Variants in COL9A1 observed in about 807,000 individuals in gnomAD.
The protein encoded by COL9A1 is collagen alpha-1(IX) chain.
A neutral mutation model predicts 142.6 loss-of-function variants in COL9A1; 104 were observed. The observed-to-expected ratio is 0.73, with a 90% confidence interval of 0.62 to 0.86. COL9A1 has a LOEUF of 0.86. Ranked by LOEUF, COL9A1 falls within the 40% of genes least tolerant of loss-of-function variation. COL9A1 has a pLI of 0.00. For missense variants in COL9A1, 1,210 were observed against 1,176.6 expected (o/e 1.03, Z -0.42); for synonymous variants, 466 against 396.0 (o/e 1.18, Z -2.10).
intron 12 of COL9A1, chr6:70,273,835 T>C (rs1420386293): frequency 4.2e-6 from 1 of 238,244 alleles, no homozygotes; most frequent in African/African-American, 2.3e-5. Flanking sequence ...TTCTCTAAAA[T>C]TTTTCCACTC....
chr6:70,283,391 C>T (rs1304380824), intron 6 of COL9A1: 3 of 749,354 alleles, frequency 4.0e-6, no homozygotes, highest in Non-Finnish European at 6.3e-6. Context: ...TCTGGCTGTC[C>T]TCGGAGACTT....
chr6:70,281,785 T>C (rs1265654938), intron 7 of COL9A1, among the ~76,000 whole-genome samples: 1 of 152,076 alleles, frequency 6.6e-6, no homozygotes, highest in Admixed American at 6.5e-5. Flanking sequence ...CGCCTTTGTA[T>C]CCTCAAAAGG....
rs775376605 is a variant in COL9A1 at position 70,252,138 on chromosome 6, T to G, written c.1854A>C (p.Arg618=). 6.2e-7 allele frequency: 1 copy of G among 1,614,068 alleles called. No homozygotes were observed. Among genetic ancestry groups the G allele is most frequent in the South Asian group, 1.1e-5 (1 of 91,076 alleles). The change falls in exon 28 of 38, where the codon CGA becomes CGC. Residue 618 remains arginine (R), a synonymous_variant. Transcript: ENST00000357250. ...TACTCACAGGAAGCCCCTGGGGTCC[T>G]CGGGGTCCCACCTCTCCTGGAGGCC... The part of the protein sequence containing the change: ...QQGPPGEVGP[R]GPQGLPGSRG...
chr6:70,255,256 T>C (rs1771205747), intron 22 of COL9A1, 53 bp from the exon 23 acceptor site: 1 of 1,610,598 alleles, frequency 6.2e-7, no homozygotes. Context: ...AACATAATAC[T>C]TAGACTTGTC....
intron 20 of COL9A1, among the ~76,000 whole-genome samples, chr6:70,259,154 C>CA (rs778738971): frequency 4.5e-4 from 69 of 151,962 alleles, no homozygotes; most frequent in Non-Finnish European, 4.4e-4. Context: ...ATTAAATTGA[C>CA]AAAAAAATGA....
Position 70,296,132 on chromosome 6 carries a change from G to A in COL9A1, c.300-1569C>T, listed in dbSNP as rs1012758200. Among the ~76,000 whole-genome samples the A allele has an allele frequency of 3.3e-5, 5 of 151,982 alleles. No homozygotes were observed. The South Asian group carries it at 1.0e-3, about 32-fold the overall frequency. On this transcript the variant is annotated intron_variant, in intron 4 of 37. Transcript: ENST00000357250. ...TTCTTTTATACAAATATTTTTACAAGCCCTCAATAAAATAAGTCAACTATC... is the reference window on the plus strand; with the variant it reads ...TTCTTTTATACAAATATTTTTACAAACCCTCAATAAAATAAGTCAACTATC...
chr6:70,216,859 G>T lies in COL9A1; in HGVS notation c.*38C>A, dbSNP rs759522163. ...TTTCTCACCCAGGCTCCTTCACCAG[G>T]CGTGGTTCATGCAGACAGCCATGCA... is the stretch of plus-strand genomic sequence containing the variant. On this transcript the variant is annotated 3_prime_UTR_variant, in exon 38 of 38. Coordinates refer to ENST00000357250, the MANE Select transcript of COL9A1 (RefSeq NM_001851.6). 3.0e-5 allele frequency: 48 copies of T among 1,609,748 alleles called. No individual in the cohort carries two copies. The highest frequency in any genetic ancestry group is 3.3e-5 in the Admixed American group (2 of 59,968).
At chr6:70,293,547 G>A (rs896691365) in intron 5 of COL9A1, among the ~76,000 whole-genome samples, 1 of 150,646 alleles carries the variant, frequency 6.6e-6, no homozygotes. Context: ...TTTCATTCTT[G>A]TTGACCAGAC....
At chr6:70,232,319 G>A (rs951264302) in intron 36 of COL9A1, among the ~76,000 whole-genome samples, 1 of 152,122 alleles carries the variant, frequency 6.6e-6, no homozygotes, top group Non-Finnish European at 1.5e-5. Flanking sequence ...CCATGATTGA[G>A]GTAGAGTATA....
chr6:70,287,709 C>G (rs1175168026), intron 5 of COL9A1, among the ~76,000 whole-genome samples: 1 of 152,186 alleles, frequency 6.6e-6, no homozygotes, highest in Non-Finnish European at 1.5e-5. Flanking sequence ...CTCAAGATCA[C>G]TCTCTTTGAT....
intron 36 of COL9A1, among the ~76,000 whole-genome samples, chr6:70,228,286 G>A (rs1769355904): frequency 6.6e-6 from 1 of 152,024 alleles, no homozygotes; most frequent in Non-Finnish European, 1.5e-5. Context: ...ACAGAACAAA[G>A]TTGCATTAAT....
chr6:70,220,034 G>A (rs1768769784), intron 37 of COL9A1, among the ~76,000 whole-genome samples: 1 of 152,048 alleles, frequency 6.6e-6, no homozygotes, highest in South Asian at 2.1e-4. Context: ...AGGAAGAGTC[G>A]ATGAAGCCAT....
intron 36 of COL9A1, among the ~76,000 whole-genome samples, chr6:70,229,929 CA>C (rs1044220771): frequency 6.6e-6 from 1 of 152,104 alleles, no homozygotes; most frequent in Admixed American, 6.5e-5. Context: ...AGGAGAAAAA[CA>C]GTGACTAAGA....
chr6:70,282,800 G>A, intron 7 of COL9A1, 98 bp downstream of exon 7: 2 of 1,572,928 alleles, frequency 1.3e-6, no homozygotes, highest in Admixed American at 1.7e-5. Context: ...GAGCCCTGGG[G>A]ATGCTCCGCG....
chr6:70,281,195 C>G (rs547976974), intron 8 of COL9A1, among the ~76,000 whole-genome samples, 156 bp from the exon 9 acceptor site: 19 of 152,016 alleles, frequency 1.2e-4, no homozygotes, highest in African/African-American at 4.3e-4. Flanking sequence ...AGACACCTCT[C>G]CCTCCAAAAA....
At chr6:70,274,647 C>T (rs1772632504) in intron 11 of COL9A1, 72 bp downstream of exon 11, 1 of 1,254,658 alleles carries the variant, frequency 8.0e-7, no homozygotes, top group Non-Finnish European at 1.2e-6. Flanking sequence ...TGTTAGTTGG[C>T]TTGCAAACAC....
chr6:70,232,564 C>T lies in COL9A1; in HGVS notation c.2503+19G>A, dbSNP rs1470804700. 1 of 1,613,052 alleles carries T rather than the reference C, an allele frequency of 6.2e-7. No individual in the cohort carries two copies. The highest frequency in any genetic ancestry group is 8.5e-7 in the Non-Finnish European group (1 of 1,179,844). On this transcript the variant is annotated intron_variant, in intron 36 of 37. Coordinates refer to ENST00000357250, the MANE Select transcript of COL9A1 (RefSeq NM_001851.6). Reference sequence around the variant, plus strand: ...AAAAAGGTTGTGTTCTTTGGTTCCACATGGGCAAGATGACTTACCTTTAGG... The same window carrying T: ...AAAAAGGTTGTGTTCTTTGGTTCCATATGGGCAAGATGACTTACCTTTAGG...
At chr6:70,278,865 C>A (rs2127595469) in intron 10 of COL9A1, among the ~76,000 whole-genome samples, 1 of 152,234 alleles carries the variant, frequency 6.6e-6, no homozygotes, top group East Asian at 1.9e-4. Flanking sequence ...ATAAGCAAAA[C>A]CAAGGATTGT....
In COL9A1 at chr6:70,281,453, C is replaced by G; in HGVS notation, c.813G>C (p.Pro271=). 1 of 1,612,228 alleles carries G rather than the reference C, an allele frequency of 6.2e-7. No individual in the cohort carries two copies. The highest frequency in any genetic ancestry group is 8.5e-7 in the Non-Finnish European group (1 of 1,179,528). ...PSQTTDERGP[P]GEQGPPGPPG... ...GAGGCCCGGGAGGACCCTGCTCACCCGGGGGACCTCTCTGGCAAAAATAGC... is the reference window on the plus strand; with the variant it reads ...GAGGCCCGGGAGGACCCTGCTCACCGGGGGGACCTCTCTGGCAAAAATAGC... Residue 271 remains proline (P), a synonymous_variant, in exon 8 of 38, where the codon CCG becomes CCC. Coordinates refer to ENST00000357250, the MANE Select transcript of COL9A1 (RefSeq NM_001851.6).
Sources: allele counts gnomAD v4.1 joint callset (sites outside exome capture counted in the v4.1 genomes callset), GRCh38; gene constraint gnomAD v4.1.1; transcripts MANE v1.5; gene names NCBI Gene and HGNC (gene_info 2026-07-23, HGNC 2026-07-21).